CFAP299: variants seen among roughly 807,000 people sequenced by gnomAD.
The protein encoded by CFAP299 is cilia- and flagella-associated protein 299.
A neutral mutation model predicts 27.0 loss-of-function variants in CFAP299; 21 were observed. The observed-to-expected ratio is 0.78, with a 90% CI of 0.55 to 1.12. CFAP299 has a LOEUF of 1.12. CFAP299 is among the 50% of genes most tolerant of loss of function. The probability of loss-of-function intolerance (pLI) is 0.00; values close to 1 mark genes in which losing one functional copy is unlikely to be tolerated. For synonymous variants in CFAP299, 104 were observed against 98.1 expected (o/e 1.06, Z -0.36); for missense variants, 310 against 276.6 (o/e 1.12, Z -0.86).
At chr4:80,725,609 T>C (rs1723114074) in intron 3 of CFAP299, among the ~76,000 whole-genome samples, 1 of 152,144 alleles carries the variant, frequency 6.6e-6, no homozygotes, top group South Asian at 2.1e-4. Context: ...TCTTCACAGG[T>C]CAGTTTCTCC....
At chr4:80,553,259 G>A (rs776531747) in intron 2 of CFAP299, among the ~76,000 whole-genome samples, 12 of 152,208 alleles carry the variant, frequency 7.9e-5, no homozygotes, top group Non-Finnish European at 1.6e-4. Flanking sequence ...GTTTTCTGTT[G>A]CTGCAGTAGT....
chr4:80,675,845 G>A (rs1719412869), intron 3 of CFAP299, among the ~76,000 whole-genome samples: 1 of 152,236 alleles, frequency 6.6e-6, no homozygotes, highest in Non-Finnish European at 1.5e-5. Context: ...ACCTGCTGAG[G>A]CAGGCGCAGG....
At chr4:80,660,804 G>A (rs1436636011) in intron 3 of CFAP299, among the ~76,000 whole-genome samples, 2 of 152,090 alleles carry the variant, frequency 1.3e-5, no homozygotes. Flanking sequence ...ATAAATTATT[G>A]TAGCAGCCAT....
At chr4:80,390,829 GTA>G (rs971114683) in intron 2 of CFAP299, among the ~76,000 whole-genome samples, 2 of 134,894 alleles carry the variant, frequency 1.5e-5, no homozygotes, top group African/African-American at 2.8e-5. Flanking sequence ...ATATGTATAT[GTA>G]TATATGTATA....
chr4:80,875,664 C>CA (rs199860402), intron 4 of CFAP299, among the ~76,000 whole-genome samples: 10,143 of 90,640 alleles, frequency 0.11, 727 homozygotes, highest in African/African-American at 0.23. Context: ...AACTCTGTCT[C>CA]AAAAAAAAAA....
intron 3 of CFAP299, among the ~76,000 whole-genome samples, chr4:80,806,873 C>G (rs1233675529): frequency 6.6e-6 from 1 of 152,128 alleles, no homozygotes; most frequent in African/African-American, 2.4e-5. Flanking sequence ...TAGAAAATCC[C>G]AGGACATCTC....
At chr4:80,448,746 A>G (rs1560572418) in intron 2 of CFAP299, among the ~76,000 whole-genome samples, 2 of 152,282 alleles carry the variant, frequency 1.3e-5, no homozygotes, top group South Asian at 4.1e-4. Flanking sequence ...TTCAACAGGT[A>G]TAATACTTTA....
At chr4:80,891,890 G>C (rs1335162770) in intron 4 of CFAP299, among the ~76,000 whole-genome samples, 1 of 129,364 alleles carries the variant, frequency 7.7e-6, no homozygotes, top group African/African-American at 2.9e-5. Context: ...AATATTTTAT[G>C]TTCATGATTG....
chr4:80,878,973 T>C (rs1261055526), intron 4 of CFAP299, among the ~76,000 whole-genome samples: 1 of 152,168 alleles, frequency 6.6e-6, no homozygotes, highest in Non-Finnish European at 1.5e-5. Flanking sequence ...AAAATAAACT[T>C]GAGGACATTA....
At chr4:80,912,855 C>T (rs6848913) in intron 4 of CFAP299, among the ~76,000 whole-genome samples, 3,035 of 152,208 alleles carry the variant, frequency 0.02, 79 homozygotes, top group African/African-American at 0.067. Flanking sequence ...AACCCAGAGG[C>T]CTGAGTCTGG....
intron 2 of CFAP299, among the ~76,000 whole-genome samples, chr4:80,488,427 G>GTGATA (rs1392985351): frequency 3.3e-5 from 5 of 151,338 alleles, no homozygotes. Flanking sequence ...GCCAGCCTCT[G>GTGATA]TGATAGGTAA....
At chr4:80,420,535 A>G (rs542841345) in intron 2 of CFAP299, among the ~76,000 whole-genome samples, 1 of 152,176 alleles carries the variant, frequency 6.6e-6, no homozygotes, top group African/African-American at 2.4e-5. Context: ...TGTTGAGTTT[A>G]TTTTCATGTA....
intron 4 of CFAP299, among the ~76,000 whole-genome samples, chr4:80,880,042 T>C (rs954252519): frequency 2.6e-5 from 4 of 151,840 alleles, no homozygotes; most frequent in Non-Finnish European, 5.9e-5. Context: ...CCTTTGACTG[T>C]GATGCACTGT....
At chr4:80,732,058 CACAGACACACAG>C (rs1220738785) in intron 3 of CFAP299, among the ~76,000 whole-genome samples, 3 of 139,006 alleles carry the variant, frequency 2.2e-5, no homozygotes, top group African/African-American at 6.2e-5. Flanking sequence ...TACACAGACA[CACAGACACACAG>C]ACACACACAC....
At position 80,413,042 on chromosome 4, in the gene CFAP299, T is replaced by G. The variant is rs1726804949; in HGVS notation, c.242+50158T>G. On this transcript the variant is annotated intron_variant, in intron 2 of 5. Coordinates refer to ENST00000358105, the MANE Select transcript of CFAP299 (RefSeq NM_152770.3). ...TTTTTGAATGGTAGCCTCATAACATTAAGTTAAAATGTACGATTGAGAAAT... is the reference window on the plus strand; with the variant it reads ...TTTTTGAATGGTAGCCTCATAACATGAAGTTAAAATGTACGATTGAGAAAT... Among the ~76,000 whole-genome samples the G allele has an allele frequency of 2.6e-5, 4 of 152,206 alleles. No individual in the cohort carries two copies. The South Asian group carries it at 6.2e-4, about 24-fold the overall frequency.
chr4:80,920,455 A>T (rs975194778), intron 4 of CFAP299, among the ~76,000 whole-genome samples: 77 of 152,192 alleles, frequency 5.1e-4, no homozygotes, highest in African/African-American at 1.8e-3. Context: ...TCTTTATAAG[A>T]TGTCCACCTC....
At chr4:80,397,704 T>C (rs1443979983) in intron 2 of CFAP299, among the ~76,000 whole-genome samples, 1 of 152,174 alleles carries the variant, frequency 6.6e-6, no homozygotes, top group Non-Finnish European at 1.5e-5. Flanking sequence ...ATAAGAGCTA[T>C]TTATGACAAA....
At chr4:80,414,605 C>T (rs1476095340) in intron 2 of CFAP299, among the ~76,000 whole-genome samples, 2 of 152,140 alleles carry the variant, frequency 1.3e-5, no homozygotes, top group Non-Finnish European at 1.5e-5. Flanking sequence ...AATATTTTTG[C>T]AAATGAAATC....
At chr4:80,853,675 G>T (rs1731657031) in intron 3 of CFAP299, among the ~76,000 whole-genome samples, 2 of 152,178 alleles carry the variant, frequency 1.3e-5, no homozygotes, top group African/African-American at 4.8e-5. Context: ...AAATATGCAA[G>T]AAACAGACTA....
Sources: allele counts gnomAD v4.1 joint callset (sites outside exome capture counted in the v4.1 genomes callset), GRCh38; gene constraint gnomAD v4.1.1; transcripts MANE v1.5; gene names NCBI Gene and HGNC (gene_info 2026-07-23, HGNC 2026-07-21).